The following SPECC1 variants were observed in gnomAD, a reference collection of about 807,000 sequenced individuals.
SPECC1 encodes cytospin-B.
SPECC1 carries 62 observed loss-of-function variants against 104.1 expected under a neutral mutation model. That is an observed-to-expected ratio of 0.60 (90% CI 0.49 to 0.74). The LOEUF (loss-of-function observed/expected upper bound fraction) is 0.74. Ranked by LOEUF, SPECC1 falls within the 30% of genes least tolerant of loss-of-function variation. The pLI, the probability that SPECC1 is intolerant of heterozygous loss-of-function variation, is 0.00. For missense variants in SPECC1, 1,306 were observed against 1,310.5 expected, an observed-to-expected ratio of 1.00 and a Z score of 0.05; for synonymous variants, 513 against 501.6, an observed-to-expected ratio of 1.02 and a Z score of -0.30.
intron 7 of SPECC1, among the ~76,000 whole-genome samples, chr17:20,244,974 CT>C (rs2039359745): frequency 1.3e-5 from 2 of 152,298 alleles, no homozygotes; most frequent in South Asian, 4.1e-4. Context: ...TCATAGAATG[CT>C]TTCTATGAGT....
chr17:20,046,921 T>G (rs1192359926), intron 1 of SPECC1, among the ~76,000 whole-genome samples: 2 of 151,744 alleles, frequency 1.3e-5, no homozygotes, highest in African/African-American at 4.8e-5. Context: ...GGGCTCTGAC[T>G]TGGGTGTTGA....
At chr17:20,203,563 C>T (rs1208224427) in intron 3 of SPECC1, among the ~76,000 whole-genome samples, 1 of 152,292 alleles carries the variant, frequency 6.6e-6, no homozygotes, top group South Asian at 2.1e-4. Flanking sequence ...ACATCATTTC[C>T]ACTTACGGCA....
chr17:20,110,642 C>G (rs2048442967), intron 3 of SPECC1, 80 bp downstream of exon 3: 2 of 1,398,078 alleles, frequency 1.4e-6, no homozygotes, highest in Admixed American at 5.8e-5. Flanking sequence ...CATGACCCAT[C>G]CATTCCTTCC....
At chr17:20,284,866 A>G (rs1303038454) in intron 12 of SPECC1, among the ~76,000 whole-genome samples, 1 of 152,250 alleles carries the variant, frequency 6.6e-6, no homozygotes, top group African/African-American at 2.4e-5. Context: ...ATGAATGTAC[A>G]GCATTTTCTA....
chr17:20,304,884 G>A (rs1386731884), intron 13 of SPECC1, among the ~76,000 whole-genome samples: 3 of 151,958 alleles, frequency 2.0e-5, no homozygotes, highest in Non-Finnish European at 4.4e-5. Context: ...AGAATGTTAG[G>A]ACTTAAAAGC....
At chr17:20,061,988 G>A (rs1375591570) in intron 1 of SPECC1, among the ~76,000 whole-genome samples, 2 of 152,070 alleles carry the variant, frequency 1.3e-5, no homozygotes, top group African/African-American at 2.4e-5. Flanking sequence ...GGCCGGGCAC[G>A]GTGGCTCACG....
At chr17:20,089,638 T>C (rs557355009) in intron 1 of SPECC1, among the ~76,000 whole-genome samples, 1 of 151,880 alleles carries the variant, frequency 6.6e-6, no homozygotes, top group East Asian at 1.9e-4. Flanking sequence ...AAAAAATAAA[T>C]GAGTAAATAA....
chr17:20,129,540 G>T (rs2049498740), intron 3 of SPECC1, among the ~76,000 whole-genome samples: 1 of 151,810 alleles, frequency 6.6e-6, no homozygotes, highest in Non-Finnish European at 1.5e-5. Flanking sequence ...ATATGTACTA[G>T]AAACTAGTTC....
At chr17:20,163,487 T>G (rs1273244018) in intron 3 of SPECC1, among the ~76,000 whole-genome samples, 1 of 152,168 alleles carries the variant, frequency 6.6e-6, no homozygotes, top group African/African-American at 2.4e-5. Context: ...GTCTTATAAA[T>G]TTAATAATTA....
At chr17:20,062,243 ACT>A (rs1305194054) in intron 1 of SPECC1, among the ~76,000 whole-genome samples, 7 of 146,048 alleles carry the variant, frequency 4.8e-5, no homozygotes, top group Admixed American at 4.2e-4. Flanking sequence ...ACAGAGCAAG[ACT>A]CTGTCGTCAA....
chr17:20,236,321 C>T (rs1375559759), intron 7 of SPECC1, among the ~76,000 whole-genome samples: 3 of 152,280 alleles, frequency 2.0e-5, no homozygotes, highest in Middle Eastern at 3.4e-3. Context: ...TGTTCCCTCA[C>T]CTAGTACTCT....
intron 5 of SPECC1, among the ~76,000 whole-genome samples, chr17:20,228,485 C>G (rs957716004): frequency 6.6e-6 from 1 of 152,230 alleles, no homozygotes; most frequent in Non-Finnish European, 1.5e-5. Flanking sequence ...TCACAGGGAC[C>G]CTTCCTAAGG....
chr17:20,017,418 G>C (rs1221263214), intron 1 of SPECC1: 1 of 153,904 alleles, frequency 6.5e-6, no homozygotes, highest in Non-Finnish European at 1.4e-5. Context: ...GAACCCACCA[G>C]AAGGAAGAAA....
chr17:20,183,123 AAAG>A (rs1331811894), intron 3 of SPECC1, among the ~76,000 whole-genome samples: 4 of 152,190 alleles, frequency 2.6e-5, no homozygotes, highest in African/African-American at 7.2e-5. Flanking sequence ...AAGTGGCAAA[AAAG>A]AAAAACAAAG....
intron 3 of SPECC1, among the ~76,000 whole-genome samples, chr17:20,122,880 T>C (rs917197170): frequency 1.3e-5 from 2 of 152,246 alleles, no homozygotes; most frequent in African/African-American, 4.8e-5. Flanking sequence ...TCCATTCACC[T>C]GTTGAAGGAC....
intron 3 of SPECC1, among the ~76,000 whole-genome samples, chr17:20,190,960 T>C (rs2035629489): frequency 6.6e-6 from 1 of 152,174 alleles, no homozygotes; most frequent in African/African-American, 2.4e-5. Flanking sequence ...ACGGTCTCTG[T>C]AGTTTTGTCT....
At chr17:20,292,084 G>C (rs1448176997) in intron 12 of SPECC1, among the ~76,000 whole-genome samples, 1 of 151,910 alleles carries the variant, frequency 6.6e-6, no homozygotes, top group African/African-American at 2.4e-5. Context: ...GGTCAGCAGT[G>C]CAAGAGATGG....
intron 7 of SPECC1, chr17:20,237,186 G>A: frequency 7.6e-7 from 1 of 1,308,582 alleles, no homozygotes; most frequent in East Asian, 3.2e-5. Flanking sequence ...CAAAGTACAA[G>A]TCTTATGAAA....
At position 20,199,848 on chromosome 17, in the gene SPECC1, G is replaced by A. The variant is rs543477035; in HGVS notation, c.284-4485G>A. On this transcript the variant is annotated intron_variant, in intron 3 of 14. Transcript: ENST00000395527. ...TCTGTTGCCCAGGCTGGCGTGCAGTGGCGTGATCTTGGCTCACTGCAACCT... is the reference window on the plus strand; with the variant it reads ...TCTGTTGCCCAGGCTGGCGTGCAGTAGCGTGATCTTGGCTCACTGCAACCT... Among the ~76,000 whole-genome samples the A allele has an allele frequency of 2.6e-5, 4 of 152,232 alleles. No homozygotes were observed. In the South Asian group the frequency reaches 8.3e-4, roughly 32 times the overall value.
Sources: gnomAD v4.1 joint callset for allele counts (sites outside exome capture counted in the v4.1 genomes callset) on GRCh38, gnomAD v4.1.1 for gene constraint, MANE v1.5 for transcripts, NCBI Gene and HGNC (gene_info 2026-07-23, HGNC 2026-07-21) for gene names.